The following SLC5A5 variants were observed in gnomAD, a reference collection of about 807,000 sequenced individuals.
SLC5A5 encodes the protein solute carrier family 5 member 5.
A neutral mutation model predicts 68.6 loss-of-function variants in SLC5A5; 56 were observed. That is an observed-to-expected ratio of 0.82 (90% CI 0.66 to 1.02). The LOEUF (loss-of-function observed/expected upper bound fraction) is 1.02, where lower values mean the gene tolerates loss of function less well. Ranked by LOEUF, SLC5A5 falls within the 50% of genes least tolerant of loss-of-function variation. The pLI is 0.00. For missense variants in SLC5A5, 807 were observed against 859.8 expected (o/e 0.94, Z 0.77); for synonymous variants, 398 against 373.0 (o/e 1.07, Z -0.77).
At chr19:17,874,012 G>A in intron 1 of SLC5A5, 126 bp from the exon 2 acceptor site, 1 of 727,002 alleles carries the variant, frequency 1.4e-6, no homozygotes, top group Admixed American at 2.0e-5. Flanking sequence ...GCCCCCACGT[G>A]CAAGAATCTG....
At position 17,882,055 on chromosome 19, in the gene SLC5A5, T is replaced by G. The variant is rs1279033539; in HGVS notation, c.1154T>G (p.Ile385Ser). 5 of 1,614,018 alleles carry G rather than the reference T, an allele frequency of 3.1e-6. No individual in the cohort carries two copies. Among genetic ancestry groups the G allele is most frequent in the East Asian group, 4.5e-5 (2 of 44,880 alleles). Residue 385 changes from isoleucine to serine, a missense_variant, in exon 9 of 15, where the codon ATT becomes AGT. Physicochemically the swap from Ile to Ser is moderately radical, Grantham distance 142. Transcript: ENST00000222248. ...AGCCTGGCACCCAGGAAACTCGTGA[T>G]TATCTCCAAGGGGCTCTGTGAGTTT... is the stretch of plus-strand genomic sequence containing the variant. Reference protein sequence around the residue: ...LRSLAPRKLVIISKGLSLIYG... With the variant: ...LRSLAPRKLVSISKGLSLIYG...
chr19:17,882,052 T>C lies in SLC5A5; in HGVS notation c.1151T>C (p.Val384Ala). The C allele has an allele frequency of 6.2e-7, 1 of 1,614,030 alleles. No homozygotes were observed. Among genetic ancestry groups the C allele is most frequent in the Non-Finnish European group, 8.5e-7 (1 of 1,179,898 alleles). ...CGGAGCCTGGCACCCAGGAAACTCG[T>C]GATTATCTCCAAGGGGCTCTGTGAG... Reference protein sequence around the residue: ...RLRSLAPRKLVIISKGLSLIY... With the variant: ...RLRSLAPRKLAIISKGLSLIY... Residue 384 changes from valine (V) to alanine (A), a missense_variant, in exon 9 of 15, where the codon GTG (valine) becomes GCG (alanine). Val to Ala is a moderately conservative substitution (Grantham distance 64). Coordinates refer to ENST00000222248, the MANE Select transcript of SLC5A5 (RefSeq NM_000453.3).
chr19:17,894,182 C>T lies in SLC5A5; in HGVS notation c.*305C>T. On this transcript the variant is annotated 3_prime_UTR_variant, in exon 15 of 15. Coordinates refer to ENST00000222248, the MANE Select transcript of SLC5A5 (RefSeq NM_000453.3). ...TTTTTTTTTGAGACAGGGTCATGCT[C>T]TGTCACCCAGGCTGGAGTGCAGTGG... is the stretch of plus-strand genomic sequence containing the variant. 3.1e-6 allele frequency: 1 copy of T among 327,094 alleles called. No individual in the cohort carries two copies. Among genetic ancestry groups the T allele is most frequent in the Non-Finnish European group, 5.6e-6 (1 of 178,102 alleles). 20.3% of individuals were successfully genotyped at this position (327,094 alleles called of 1,614,324 possible).
At chr19:17,874,457 G>GC (rs1320822564) in intron 2 of SLC5A5, 37 bp from the exon 3 acceptor site, 1 of 1,607,810 alleles carries the variant, frequency 6.2e-7, no homozygotes, top group African/African-American at 1.3e-5. Context: ...TCGCCCAGAC[G>GC]CCCTCCCTGC....
chr19:17,886,354 CTGG>C (rs1253489360), intron 12 of SLC5A5, among the ~76,000 whole-genome samples: 1 of 136,736 alleles, frequency 7.3e-6, no homozygotes, highest in Non-Finnish European at 1.6e-5. Context: ...GTCGCCCAGG[CTGG>C]AGTGCAGTGG....
In SLC5A5 at chr19:17,884,361, A is replaced by ACG. The variant is rs1400144526; in HGVS notation, c.1526+315_1526+316insCG. Among the ~76,000 whole-genome samples the ACG allele has an allele frequency of 3.1e-3, 468 of 150,500 alleles. 4 individuals are homozygous for ACG. Among genetic ancestry groups the ACG allele is most frequent in the African/African-American group, 0.011 (427 of 39,916 alleles). On this transcript the variant is annotated intron_variant, in intron 12 of 14. Coordinates refer to ENST00000222248, the MANE Select transcript of SLC5A5 (RefSeq NM_000453.3). ...GGTCCAGGCTGGAATGCAGGGGTGC[A>ACG]ATCTCAGCTTACTGCAGCTTCAACC...
At position 17,894,648 on chromosome 19, in the gene SLC5A5, T is replaced by C. The variant is rs2030341015; in HGVS notation, c.*771T>C. The C allele has an allele frequency of 6.6e-6, 1 of 152,280 alleles. No individual in the cohort carries two copies. Among genetic ancestry groups the C allele is most frequent in the Non-Finnish European group, 1.5e-5 (1 of 68,202 alleles). The allele number at this position is 152,280 out of a possible 1,614,324, so 9.4% of individuals were successfully genotyped here. On this transcript the variant is annotated 3_prime_UTR_variant, in exon 15 of 15. Transcript: ENST00000222248. Reference sequence around the variant, plus strand: ...CGCGCCCCACCTCTTTCTTATTTTCTTCCTGGGATTGGGGAGGGGATGATT... The same window carrying C: ...CGCGCCCCACCTCTTTCTTATTTTCCTCCTGGGATTGGGGAGGGGATGATT...
In SLC5A5 at chr19:17,878,001, G is replaced by T. The variant is rs1234979290; in HGVS notation, c.877G>T (p.Val293Leu). 6.2e-7 allele frequency: 1 copy of T among 1,613,384 alleles called. No homozygotes were observed. The highest frequency in any genetic ancestry group is 8.5e-7 in the Non-Finnish European group (1 of 1,180,020). ...LINQVGLFLI[V>L]SSAACCGIVM... ...CAACCAGGTCGGCCTGTTCCTGATC[G>T]TGTCCAGCGCTGCCTGCTGTGGCAT... The change falls in exon 7 of 15, where the codon GTG becomes TTG. Residue 293 changes from valine (V) to leucine (L), a missense_variant. Physicochemically the swap from Val to Leu is conservative, Grantham distance 32 (BLOSUM62 1). Transcript: ENST00000222248.
At position 17,890,997 on chromosome 19, in the gene SLC5A5, T is replaced by A. The variant is rs2030147366; in HGVS notation, c.1763T>A (p.Val588Asp). 1 of 1,602,338 alleles carries A rather than the reference T, an allele frequency of 6.2e-7. No individual in the cohort carries two copies. Among genetic ancestry groups the A allele is most frequent in the East Asian group, 2.2e-5 (1 of 44,810 alleles). ...GTGGCCATCCTGGATGACAACTTGG[T>A]CAAGGTCAGTCTTAGGCTGGGTTCC... ...EEVAILDDNLVKGPEELPTGN... is the reference protein window; with the variant it reads ...EEVAILDDNLDKGPEELPTGN... The change falls in exon 14 of 15, where the codon GTC becomes GAC. Residue 588 changes from valine to aspartate, a missense_variant. Val to Asp is a radical substitution (Grantham distance 152, BLOSUM62 -3). Coordinates refer to ENST00000222248, the MANE Select transcript of SLC5A5 (RefSeq NM_000453.3).
chr19:17,872,710 C>T, intron 1 of SLC5A5, 34 bp downstream of exon 1: 1 of 1,323,064 alleles, frequency 7.6e-7, no homozygotes, highest in Non-Finnish European at 1.1e-6. Flanking sequence ...AGGACCTGCC[C>T]CACTGGCAGT....
At chr19:17,883,505 G>A (rs2094325629) in intron 10 of SLC5A5, among the ~76,000 whole-genome samples, 176 bp from the exon 11 acceptor site, 1 of 148,592 alleles carries the variant, frequency 6.7e-6, no homozygotes, top group South Asian at 2.1e-4. Context: ...CCAACCCAAG[G>A]GAGATAGGCA....
In SLC5A5 at chr19:17,883,796, A is replaced by C. The variant is rs377617583; in HGVS notation, c.1329+29A>C. 6.8e-3 allele frequency: 2,942 copies of C among 429,934 alleles called. 67 individuals are homozygous for C. Among genetic ancestry groups the C allele is most frequent in the South Asian group, 0.052 (2,524 of 48,794 alleles). 26.6% of individuals were successfully genotyped at this position (429,934 alleles called of 1,614,324 possible). A position where few individuals can be genotyped will look rare whatever the true frequency, so the allele number is the denominator to read the frequency against. The stretch of plus-strand genomic sequence containing the variant: ...AGTGGGGGCGGGGCAAGGGGCGGGG[A>C]GGGGCGGGGCCGGACAGGCCCCTCC... On this transcript the variant is annotated intron_variant, in intron 11 of 14. Transcript: ENST00000222248.
chr19:17,874,375 C>A, intron 2 of SLC5A5, 119 bp from the exon 3 acceptor site: 1 of 1,120,902 alleles, frequency 8.9e-7, no homozygotes, highest in South Asian at 1.2e-5. Context: ...CGCCTGCACT[C>A]TGGAAGACCC....
chr19:17,874,565 G>C lies in SLC5A5; in HGVS notation c.475+20G>C. ...ACCAAGGTGTGACTCTGGGAGATTA[G>C]GGAAGCATGTCTGGGAAGAGAAAGG... is the stretch of plus-strand genomic sequence containing the variant. On this transcript the variant is annotated intron_variant, in intron 3 of 14. Coordinates refer to ENST00000222248, the MANE Select transcript of SLC5A5 (RefSeq NM_000453.3). 1 of 1,613,722 alleles carries C rather than the reference G, an allele frequency of 6.2e-7. No individual in the cohort carries two copies. Among genetic ancestry groups the C allele is most frequent in the Non-Finnish European group, 8.5e-7 (1 of 1,179,720 alleles).
intron 14 of SLC5A5, among the ~76,000 whole-genome samples, chr19:17,892,652 C>CAGAGAGAGAG (rs58081153): frequency 0.044 from 4,300 of 97,270 alleles, 394 homozygotes; most frequent in Middle Eastern, 0.062. Flanking sequence ...AAAGAAAAGA[C>CAGAGAGAGAG]AGAGAGAGAG....
intron 1 of SLC5A5, among the ~76,000 whole-genome samples, chr19:17,872,908 G>A (rs751803867): frequency 5.3e-5 from 8 of 152,210 alleles, no homozygotes; most frequent in Non-Finnish European, 7.3e-5. Context: ...TGCTCCTTCG[G>A]TGGAAGCGCG....
chr19:17,878,073 C>A lies in SLC5A5; in HGVS notation c.949C>A (p.Arg317Ser). Residue 317 changes from arginine (R) to serine (S), a missense_variant, in exon 7 of 15, where the codon CGC (arginine) becomes AGC (serine). Physicochemically the swap from Arg to Ser is moderately radical, Grantham distance 110. Transcript: ENST00000222248. ...YTDCDPLLLG[R>S]ISAPDQYMPL... ...TGACTGCGACCCTCTCCTCCTGGGGCGCATCTCTGCCCCAGACCAGGTGAG... is the reference window on the plus strand; with the variant it reads ...TGACTGCGACCCTCTCCTCCTGGGGAGCATCTCTGCCCCAGACCAGGTGAG... 6.2e-7 allele frequency: 1 copy of A among 1,611,964 alleles called. No individual in the cohort carries two copies. The highest frequency in any genetic ancestry group is 1.1e-5 in the South Asian group (1 of 91,088).
intron 12 of SLC5A5, among the ~76,000 whole-genome samples, 191 bp from the exon 13 acceptor site, chr19:17,888,140 G>T (rs964887185): frequency 6.6e-6 from 1 of 152,058 alleles, no homozygotes; most frequent in East Asian, 1.9e-4. Flanking sequence ...TGTGGAGGAC[G>T]TCTAGGGTGG....
intron 10 of SLC5A5, among the ~76,000 whole-genome samples, chr19:17,883,314 G>T (rs1408778196): frequency 9.6e-6 from 1 of 104,110 alleles, no homozygotes; most frequent in African/African-American, 3.4e-5. Flanking sequence ...GAATTGGGAA[G>T]GGGGAGGTGG....
Sources: allele counts gnomAD v4.1 joint callset (sites outside exome capture counted in the v4.1 genomes callset), GRCh38; gene constraint gnomAD v4.1.1; transcripts MANE v1.5; gene names NCBI Gene and HGNC (gene_info 2026-07-23, HGNC 2026-07-21).